Variants in NTM observed in about 807,000 individuals in gnomAD.
NTM encodes the protein neurotrimin.
A neutral mutation model predicts 42.1 loss-of-function variants in NTM; 13 were observed. The ratio of observed to expected loss-of-function variants is 0.31; its 90% CI spans 0.20 to 0.49. NTM has a LOEUF of 0.49. NTM is among the 20% of genes least tolerant of loss of function. The pLI, the probability that NTM is intolerant of heterozygous loss-of-function variation, is 0.99. For missense variants in NTM, 373 were observed against 452.8 expected (o/e 0.82, Z 1.60); for synonymous variants, 187 against 179.2 (o/e 1.04, Z -0.35).
intron 1 of NTM, among the ~76,000 whole-genome samples, chr11:131,758,843 C>T (rs762868574): frequency 1.4e-4 from 22 of 152,088 alleles, no homozygotes; most frequent in Admixed American, 1.0e-3. Flanking sequence ...CCACCTGCCT[C>T]GGCCTCCCAA....
chr11:132,070,999 G>A (rs1594340159), intron 2 of NTM, among the ~76,000 whole-genome samples: 2 of 140,458 alleles, frequency 1.4e-5, no homozygotes, highest in Non-Finnish European at 3.1e-5. Flanking sequence ...AAGTTAACAC[G>A]TCACACTGAC....
chr11:132,280,082 T>A (rs1436511791), intron 4 of NTM, among the ~76,000 whole-genome samples: 4 of 152,204 alleles, frequency 2.6e-5, no homozygotes, highest in African/African-American at 9.6e-5. Flanking sequence ...TTTTAAGTCA[T>A]CTCTGGACTA....
chr11:131,865,037 G>A (rs117275526), intron 1 of NTM, among the ~76,000 whole-genome samples: 2,880 of 152,286 alleles, frequency 0.019, 30 homozygotes, highest in Non-Finnish European at 0.029. Context: ...TCCATGTTCT[G>A]GAACCTGCCT....
At chr11:132,000,475 T>G (rs989348278) in intron 2 of NTM, among the ~76,000 whole-genome samples, 1 of 152,216 alleles carries the variant, frequency 6.6e-6, no homozygotes, top group Non-Finnish European at 1.5e-5. Flanking sequence ...ATTTCAGCCA[T>G]GCAAATGAAT....
intron 1 of NTM, among the ~76,000 whole-genome samples, chr11:131,790,512 A>T (rs1422221849): frequency 6.6e-6 from 1 of 152,218 alleles, no homozygotes; most frequent in Non-Finnish European, 1.5e-5. Flanking sequence ...TTTTACCCTC[A>T]TGGCCTCAGA....
chr11:132,166,640 A>G (rs1302269933), intron 3 of NTM, among the ~76,000 whole-genome samples: 5 of 152,218 alleles, frequency 3.3e-5, no homozygotes, highest in African/African-American at 2.4e-5. Flanking sequence ...CTCAAGATGC[A>G]TTAATCAGTC....
chr11:131,816,159 T>A (rs2092943141), intron 1 of NTM, among the ~76,000 whole-genome samples: 1 of 152,192 alleles, frequency 6.6e-6, no homozygotes, highest in Non-Finnish European at 1.5e-5. Flanking sequence ...CAGAGATGCA[T>A]AAGCGGAAGA....
At chr11:132,115,540 A>G (rs2063763401) in intron 2 of NTM, among the ~76,000 whole-genome samples, 1 of 152,218 alleles carries the variant, frequency 6.6e-6, no homozygotes, top group South Asian at 2.1e-4. Context: ...TTTTCCTGTC[A>G]GGAACACACA....
chr11:132,041,294 TG>T (rs2077169438), intron 2 of NTM, among the ~76,000 whole-genome samples: 1 of 151,840 alleles, frequency 6.6e-6, no homozygotes, highest in Admixed American at 6.6e-5. Context: ...ATATCATTTT[TG>T]TTCCTTTTTG....
At chr11:131,645,704 A>AT (rs1469629474) in intron 1 of NTM, among the ~76,000 whole-genome samples, 1 of 152,048 alleles carries the variant, frequency 6.6e-6, no homozygotes, top group Non-Finnish European at 1.5e-5. Context: ...GTGTGTATAT[A>AT]TGTTTTTTGT....
At chr11:131,969,182 A>G (rs2063218737) in intron 2 of NTM, among the ~76,000 whole-genome samples, 1 of 152,146 alleles carries the variant, frequency 6.6e-6, no homozygotes, top group Non-Finnish European at 1.5e-5. Flanking sequence ...TGTCTTTCTG[A>G]GCCCCTTTCC....
At chr11:131,768,346 AACCTCAGGTGATCC>A (rs1301691516) in intron 1 of NTM, among the ~76,000 whole-genome samples, 1 of 152,034 alleles carries the variant, frequency 6.6e-6, no homozygotes, top group Non-Finnish European at 1.5e-5. Flanking sequence ...TCGAACTCCC[AACCTCAGGTGATCC>A]ACCTGCCTCG....
At chr11:131,578,889 G>A (rs1440757959) in intron 1 of NTM, among the ~76,000 whole-genome samples, 4 of 152,160 alleles carry the variant, frequency 2.6e-5, no homozygotes, top group African/African-American at 9.7e-5. Flanking sequence ...TTCAAGCAGA[G>A]TATCCCATGC....
chr11:132,192,848 C>T (rs978878777), intron 3 of NTM, among the ~76,000 whole-genome samples: 3 of 151,922 alleles, frequency 2.0e-5, no homozygotes, highest in African/African-American at 7.3e-5. Flanking sequence ...GTAGGGGTCG[C>T]CATTCTTATA....
intron 2 of NTM, among the ~76,000 whole-genome samples, chr11:131,976,439 T>C (rs1019786669): frequency 3.3e-5 from 5 of 152,116 alleles, no homozygotes; most frequent in Non-Finnish European, 7.3e-5. Flanking sequence ...ATTTTCAACG[T>C]TCTCTTCCCA....
intron 1 of NTM, among the ~76,000 whole-genome samples, chr11:131,849,334 GCTGT>G (rs1399192014): frequency 3.3e-5 from 5 of 152,262 alleles, no homozygotes; most frequent in African/African-American, 1.2e-4. Context: ...GATTCTGCAG[GCTGT>G]CTAAGCATGG....
intron 1 of NTM, among the ~76,000 whole-genome samples, chr11:131,407,388 C>G (rs1466848821): frequency 2.0e-5 from 3 of 152,156 alleles, no homozygotes; most frequent in Non-Finnish European, 2.9e-5. Context: ...CATACAATGC[C>G]CTGGAAAACA....
chr11:131,920,998 C>A (rs1592873661), intron 2 of NTM, among the ~76,000 whole-genome samples: 1 of 152,080 alleles, frequency 6.6e-6, no homozygotes, highest in Non-Finnish European at 1.5e-5. Flanking sequence ...CAGGAGGGCT[C>A]AATCCAAAAT....
At chr11:132,113,798 G>T (rs1214967834) in intron 2 of NTM, among the ~76,000 whole-genome samples, 8 of 152,124 alleles carry the variant, frequency 5.3e-5, no homozygotes, top group African/African-American at 1.4e-4. Flanking sequence ...CAATCCTAAG[G>T]CTCACTTTCC....
Sources: gnomAD v4.1 joint callset for allele counts (sites outside exome capture counted in the v4.1 genomes callset) on GRCh38, gnomAD v4.1.1 for gene constraint, MANE v1.5 for transcripts, NCBI Gene and HGNC (gene_info 2026-07-23, HGNC 2026-07-21) for gene names.